The following DAP variants were observed in gnomAD, a reference collection of about 807,000 sequenced individuals.
DAP encodes death associated protein, also known as death-associated protein 1.
Under a neutral mutation model 13.8 loss-of-function variants are expected in DAP, and 8 were observed. The observed-to-expected ratio is 0.58, with a 90% CI of 0.34 to 1.05. DAP has a LOEUF of 1.05. Among genes scored for constraint, DAP ranks in the 50% least tolerant of loss-of-function variants. The pLI is 0.03. For missense variants in DAP, 106 were observed against 133.2 expected, an observed-to-expected ratio of 0.80 and a Z score of 1.01; for synonymous variants, 47 against 47.5, an observed-to-expected ratio of 0.99 and a Z score of 0.04.
chr5:10,752,638 C>CTGTGTG (rs35087570), intron 1 of DAP, among the ~76,000 whole-genome samples: 3 of 150,632 alleles, frequency 2.0e-5, no homozygotes, highest in African/African-American at 7.3e-5. Context: ...CCAGTTCTGC[C>CTGTGTG]TGTGTGTGTG....
chr5:10,727,562 C>T (rs1171094246), intron 2 of DAP, among the ~76,000 whole-genome samples: 2 of 152,052 alleles, frequency 1.3e-5, no homozygotes, highest in Non-Finnish European at 2.9e-5. Flanking sequence ...ATGGGGGGGA[C>T]TGGGGAGAGG....
chr5:10,759,585 C>G (rs1161359464), intron 1 of DAP, among the ~76,000 whole-genome samples: 2 of 152,036 alleles, frequency 1.3e-5, no homozygotes, highest in African/African-American at 2.4e-5. Context: ...TTTTTCTTTC[C>G]CAGTGCCAGT....
chr5:10,748,634 C>T (rs766323933), intron 1 of DAP, among the ~76,000 whole-genome samples: 1 of 152,146 alleles, frequency 6.6e-6, no homozygotes, highest in Non-Finnish European at 1.5e-5. Context: ...CTCAACCCTC[C>T]CCTGTGAAAT....
chr5:10,733,801 T>C (rs1277378016), intron 2 of DAP: 2 of 152,248 alleles, frequency 1.3e-5, no homozygotes, highest in African/African-American at 4.8e-5. Context: ...CTATTTTATC[T>C]TTAGAGAATC....
intron 2 of DAP, among the ~76,000 whole-genome samples, chr5:10,704,818 A>G (rs577975234): frequency 6.6e-6 from 1 of 152,252 alleles, no homozygotes; most frequent in Non-Finnish European, 1.5e-5. Flanking sequence ...GCCCACAAGC[A>G]TCACTGACCT....
chr5:10,706,815 T>C (rs947780886), intron 2 of DAP, among the ~76,000 whole-genome samples: 1 of 152,148 alleles, frequency 6.6e-6, no homozygotes, highest in Non-Finnish European at 1.5e-5. Context: ...ATGCTGTAGG[T>C]GGGAGCACTG....
At chr5:10,681,551 T>A (rs1267398048) in intron 3 of DAP, among the ~76,000 whole-genome samples, 1 of 143,028 alleles carries the variant, frequency 7.0e-6, no homozygotes, top group Admixed American at 7.0e-5. Context: ...CCCACCAGTG[T>A]CCCTGCAGGA....
chr5:10,726,898 G>A (rs1340012592), intron 2 of DAP, among the ~76,000 whole-genome samples: 2 of 152,190 alleles, frequency 1.3e-5, no homozygotes, highest in South Asian at 2.1e-4. Flanking sequence ...TGAGGGCCAA[G>A]TGTCACTTAT....
At chr5:10,746,712 A>C (rs1423136980) in intron 2 of DAP, among the ~76,000 whole-genome samples, 1 of 152,224 alleles carries the variant, frequency 6.6e-6, no homozygotes, top group Non-Finnish European at 1.5e-5. Flanking sequence ...ATGATTTAAA[A>C]TGGACAATAA....
chr5:10,700,167 T>C (rs560907340), intron 2 of DAP, among the ~76,000 whole-genome samples: 2 of 152,318 alleles, frequency 1.3e-5, no homozygotes, highest in African/African-American at 2.4e-5. Flanking sequence ...CAGAGGGGAA[T>C]TGATGTGTAG....
chr5:10,689,591 G>A (rs1300738041), intron 2 of DAP, among the ~76,000 whole-genome samples: 6 of 152,342 alleles, frequency 3.9e-5, no homozygotes, highest in Admixed American at 3.3e-4. Flanking sequence ...TGAAAATCAT[G>A]CTAGGCTCAG....
intron 2 of DAP, among the ~76,000 whole-genome samples, chr5:10,703,407 G>A (rs1339844691): frequency 1.3e-5 from 2 of 152,052 alleles, no homozygotes; most frequent in Non-Finnish European, 2.9e-5. Flanking sequence ...TGCACAGGCA[G>A]GGGGGGTGTC....
chr5:10,713,666 G>A (rs1047218264), intron 2 of DAP, among the ~76,000 whole-genome samples: 23 of 152,172 alleles, frequency 1.5e-4, no homozygotes, highest in African/African-American at 4.8e-4. Context: ...TGTGCACTCC[G>A]TCCACTAGAG....
Position 10,746,620 on chromosome 5 carries a change from G to T in DAP, c.152+1555C>A, listed in dbSNP as rs143230471. On this transcript the variant is annotated intron_variant, in intron 2 of 3. Transcript: ENST00000230895. ...GCTGGGATTACTGGCGTGAGACACC[G>T]TGCCCGGACAATTCTAGCATTTTCT... Among the ~76,000 whole-genome samples, 541 of 152,230 alleles carry T rather than the reference G, an allele frequency of 3.6e-3. 4 individuals are homozygous for T. The highest frequency in any genetic ancestry group is 0.014 in the Middle Eastern group (4 of 294).
rs190803505 is a variant in DAP at position 10,757,732 on chromosome 5, G to A, written c.55+3282C>T. 8.5e-5 allele frequency among the ~76,000 whole-genome samples: 13 copies of A among 152,300 alleles called. 1 individual carries two copies. The highest frequency in any genetic ancestry group is 3.3e-4 in the Admixed American group (5 of 15,294). On this transcript the variant is annotated intron_variant, in intron 1 of 3. Transcript: ENST00000230895. ...TTCCACCAGTCTGCTGCCTGAACCG[G>A]CCAAGAGGACCACCTGCATCCCTGC... is the stretch of plus-strand genomic sequence containing the variant.
chr5:10,712,549 T>C (rs1738880164), intron 2 of DAP, among the ~76,000 whole-genome samples: 1 of 152,032 alleles, frequency 6.6e-6, no homozygotes, highest in African/African-American at 2.4e-5. Flanking sequence ...GCCGAGTAGA[T>C]TCTGGCCTCT....
chr5:10,750,513 G>C (rs1740021784), intron 1 of DAP, among the ~76,000 whole-genome samples: 1 of 152,116 alleles, frequency 6.6e-6, no homozygotes, highest in African/African-American at 2.4e-5. Context: ...TTCTACTTGG[G>C]GCAGAAGGAA....
chr5:10,685,532 C>T (rs997787373), intron 2 of DAP, among the ~76,000 whole-genome samples: 2 of 152,182 alleles, frequency 1.3e-5, no homozygotes, highest in Admixed American at 6.5e-5. Context: ...GAAAGGAATA[C>T]ACAAATGGCA....
chr5:10,755,248 G>T (rs967151260), intron 1 of DAP, among the ~76,000 whole-genome samples: 6 of 152,192 alleles, frequency 3.9e-5, no homozygotes, highest in Non-Finnish European at 5.9e-5. Flanking sequence ...AGGAAAGTGG[G>T]CAGCCTCTAG....
Sources: allele counts gnomAD v4.1 joint callset (sites outside exome capture counted in the v4.1 genomes callset), GRCh38; gene constraint gnomAD v4.1.1; transcripts MANE v1.5; gene names NCBI Gene and HGNC (gene_info 2026-07-23, HGNC 2026-07-21).